PLSCR4: variants seen among roughly 807,000 people sequenced by gnomAD.
PLSCR4 encodes phospholipid scramblase 4, also known as Ca(2+)-dependent phospholipid scramblase 4.
A neutral mutation model predicts 36.3 loss-of-function variants in PLSCR4; 25 were observed. That is an observed-to-expected ratio of 0.69 (90% CI 0.50 to 0.96). PLSCR4 has a LOEUF of 0.96. Among genes scored for constraint, PLSCR4 ranks in the 40% least tolerant of loss-of-function variants. The pLI, the probability that PLSCR4 is intolerant of heterozygous loss-of-function variation, is 0.00. For synonymous variants in PLSCR4, 122 were observed against 132.9 expected, an observed-to-expected ratio of 0.92 and a Z score of 0.56; for missense variants, 408 against 414.7, an observed-to-expected ratio of 0.98 and a Z score of 0.14.
intron 3 of PLSCR4, among the ~76,000 whole-genome samples, chr3:146,215,876 T>C (rs763289007): frequency 1.2e-4 from 19 of 152,214 alleles, no homozygotes; most frequent in Non-Finnish European, 2.5e-4. Flanking sequence ...TTCTGTCTTT[T>C]GTAATCAAAG....
intron 3 of PLSCR4, among the ~76,000 whole-genome samples, chr3:146,209,016 A>C (rs755104434): frequency 1.3e-5 from 2 of 152,126 alleles, no homozygotes; most frequent in Non-Finnish European, 2.9e-5. Flanking sequence ...ATGCCCATCA[A>C]TCTACGAGTG....
intron 3 of PLSCR4, 24 bp from the exon 4 acceptor site, chr3:146,206,785 G>A (rs765638757): frequency 1.5e-5 from 21 of 1,423,756 alleles, no homozygotes; most frequent in Middle Eastern, 3.6e-4. Flanking sequence ...AAATCAAAGT[G>A]TTATATATTA....
At chr3:146,222,021 C>A in intron 2 of PLSCR4, 44 bp downstream of exon 2, 3 of 1,134,984 alleles carry the variant, frequency 2.6e-6, no homozygotes, top group East Asian at 2.8e-5. Context: ...ACAAAATTCA[C>A]ATTTGAAAAT....
At chr3:146,223,706 A>T (rs2035284423) in intron 1 of PLSCR4, 1 of 151,976 alleles carries the variant, frequency 6.6e-6, no homozygotes. Context: ...GTGAAAGTTT[A>T]ACCAGTCTTG....
intron 4 of PLSCR4, among the ~76,000 whole-genome samples, chr3:146,204,531 T>G (rs1359296890): frequency 6.6e-6 from 1 of 151,946 alleles, no homozygotes; most frequent in Non-Finnish European, 1.5e-5. Context: ...TTTGAGTTAC[T>G]AGAGAGTAGG....
Position 146,192,844 on chromosome 3 carries a change from T to C in PLSCR4, c.*1567A>G, listed in dbSNP as rs2033474812. 3 of 151,776 alleles carry C rather than the reference T, an allele frequency of 2.0e-5. No individual in the cohort carries two copies. The highest frequency in any genetic ancestry group is 4.4e-5 in the Non-Finnish European group (3 of 67,908). The allele number at this position is 151,776 out of a possible 1,614,324, so 9.4% of individuals were successfully genotyped here. A position where few individuals can be genotyped will look rare whatever the true frequency, so the allele number is the denominator to read the frequency against. On this transcript the variant is annotated 3_prime_UTR_variant, in exon 9 of 9. Transcript: ENST00000354952. ...TTAAAAAAAAAAGCTAGTAGCAGCA[T>C]GTAAAAATGAGCATTACGAGAAACT...
At chr3:146,243,506 G>A (rs1259199737) in intron 1 of PLSCR4, among the ~76,000 whole-genome samples, 2 of 152,108 alleles carry the variant, frequency 1.3e-5, no homozygotes, top group East Asian at 1.9e-4. Context: ...TATAGACTAA[G>A]CAACCCTAAT....
intron 1 of PLSCR4, chr3:146,223,801 T>C (rs1034595678): frequency 8.8e-5 from 13 of 148,422 alleles, no homozygotes; most frequent in Non-Finnish European, 1.9e-4. Context: ...TATAAATATA[T>C]TTTAAAACAT....
At chr3:146,240,395 A>G (rs1219757649) in intron 1 of PLSCR4, among the ~76,000 whole-genome samples, 1 of 152,196 alleles carries the variant, frequency 6.6e-6, no homozygotes, top group Admixed American at 6.5e-5. Context: ...GGATTCCTTA[A>G]GGTTAGGAGT....
chr3:146,196,767 G>A lies in PLSCR4; in HGVS notation c.651C>T (p.Val217=), dbSNP rs1399464296. 2 of 1,613,862 alleles carry A rather than the reference G, an allele frequency of 1.2e-6. No individual in the cohort carries two copies. The highest frequency in any genetic ancestry group is 3.3e-5 in the Admixed American group (2 of 59,928). The change falls in exon 7 of 9, where the codon GTC becomes GTT. Residue 217 remains valine (V), a synonymous_variant. Coordinates refer to ENST00000354952, the MANE Select transcript of PLSCR4 (RefSeq NM_020353.3). ...QELEVQCPPG[V]TIGFVAEHWN... ...AATGTTCCGCAACAAAGCCAATGGT[G>A]ACACCAGGAGGACACTGCACCTCCA...
intron 1 of PLSCR4, among the ~76,000 whole-genome samples, chr3:146,232,951 C>T (rs1263377426): frequency 1.3e-5 from 1 of 79,608 alleles, no homozygotes; most frequent in Admixed American, 1.7e-4. Flanking sequence ...TTCCACATCT[C>T]TGGACATACT....
intron 3 of PLSCR4, among the ~76,000 whole-genome samples, chr3:146,211,911 A>G (rs2034642712): frequency 1.3e-5 from 2 of 152,128 alleles, no homozygotes; most frequent in South Asian, 2.1e-4. Flanking sequence ...TCATTGGTCT[A>G]TATGTCTATC....
intron 3 of PLSCR4, 128 bp from the exon 4 acceptor site, chr3:146,206,889 A>G (rs1342346921): frequency 1.6e-6 from 1 of 639,962 alleles, no homozygotes; most frequent in Admixed American, 2.8e-5. Flanking sequence ...TTTGATTCAC[A>G]CTTTATGCAG....
chr3:146,242,691 A>G (rs946768033), intron 1 of PLSCR4, among the ~76,000 whole-genome samples: 1 of 152,170 alleles, frequency 6.6e-6, no homozygotes, highest in African/African-American at 2.4e-5. Flanking sequence ...CTTCATGTAT[A>G]AAAACCAGAG....
chr3:146,208,871 A>G (rs1012586503), intron 3 of PLSCR4, among the ~76,000 whole-genome samples: 2 of 152,124 alleles, frequency 1.3e-5, no homozygotes, highest in African/African-American at 2.4e-5. Flanking sequence ...TAAAGAACTA[A>G]AAGTAGAACT....
chr3:146,206,667 C>G lies in PLSCR4; in HGVS notation c.213G>C (p.Leu71Phe), dbSNP rs143201630. The change falls in exon 4 of 9, where the codon TTG becomes TTC. Residue 71 changes from leucine (L) to phenylalanine (F), a missense_variant. Leu to Phe is a conservative substitution (Grantham distance 22). Coordinates refer to ENST00000354952, the MANE Select transcript of PLSCR4 (RefSeq NM_020353.3). ...GATGGATACCACCAACTGGCTGGTA[C>G]AAAGGGAAGGTACTGGGTTGCTGTG... is the stretch of plus-strand genomic sequence containing the variant. ...YSPQQPSTFP[L>F]YQPVGGIHPV... 1 of 1,613,314 alleles carries G rather than the reference C, an allele frequency of 6.2e-7. No homozygotes were observed. Among genetic ancestry groups the G allele is most frequent in the Non-Finnish European group, 8.5e-7 (1 of 1,179,656 alleles).
At chr3:146,244,350 G>C (rs1446791301) in intron 1 of PLSCR4, among the ~76,000 whole-genome samples, 1 of 152,042 alleles carries the variant, frequency 6.6e-6, no homozygotes, top group African/African-American at 2.4e-5. Context: ...TGCATGCCTT[G>C]TTTTACTGTG....
chr3:146,213,074 C>A (rs2034707414), intron 3 of PLSCR4, among the ~76,000 whole-genome samples: 1 of 151,980 alleles, frequency 6.6e-6, no homozygotes, highest in Non-Finnish European at 1.5e-5. Flanking sequence ...TGGGATAAAT[C>A]CCACTTGGTC....
intron 7 of PLSCR4, 99 bp downstream of exon 7, chr3:146,196,533 T>A: frequency 9.4e-7 from 1 of 1,065,190 alleles, no homozygotes; most frequent in Non-Finnish European, 1.4e-6. Flanking sequence ...ACTATGTTAT[T>A]CATTCACATT....
Sources: allele counts gnomAD v4.1 joint callset (sites outside exome capture counted in the v4.1 genomes callset), GRCh38; gene constraint gnomAD v4.1.1; transcripts MANE v1.5; gene names NCBI Gene and HGNC (gene_info 2026-07-23, HGNC 2026-07-21).